WDR20: variants seen among roughly 807,000 people sequenced by gnomAD.
The protein encoded by WDR20 is WD repeat-containing protein 20.
Under a neutral mutation model 38.7 loss-of-function variants are expected in WDR20, and 3 were observed. The ratio of observed to expected loss-of-function variants is 0.08; its 90% confidence interval spans 0.04 to 0.20. WDR20 has a LOEUF of 0.20. WDR20 is among the 10% of genes least tolerant of loss of function. WDR20 has a pLI of 1.00. For synonymous variants in WDR20, 298 were observed against 285.6 expected (o/e 1.04, Z -0.44); for missense variants, 559 against 727.7 (o/e 0.77, Z 2.67).
rs867492430 is a variant in WDR20, at chr14:102,222,433, G to A, written c.1693-397G>A. On this transcript the variant is annotated intron_variant, in intron 3 of 3. Coordinates refer to the WDR20 transcript ENST00000335263. This position sits in a 1 kb window ranked among gnomAD's most constrained non-coding sequence, Gnocchi z 4.4. Reference sequence around the variant, plus strand: ...CTGGCTCCGAGGGACTGGGTGTGCGGTCCAGAACTGCGGTGCCCTGGGCTC... The same window carrying A: ...CTGGCTCCGAGGGACTGGGTGTGCGATCCAGAACTGCGGTGCCCTGGGCTC... Among the ~76,000 whole-genome samples the A allele has an allele frequency of 2.0e-5, 3 of 152,310 alleles. No homozygotes were observed. The South Asian group carries it at 6.2e-4, about 32-fold the overall frequency.
intron 1 of WDR20, among the ~76,000 whole-genome samples, chr14:102,184,337 A>G (rs939686052): frequency 6.6e-6 from 1 of 152,196 alleles, no homozygotes; most frequent in Non-Finnish European, 1.5e-5. Context: ...GTTGCAGTGT[A>G]GCTGTTTTTT....
intron 1 of WDR20, among the ~76,000 whole-genome samples, chr14:102,148,703 G>C (rs183742895): frequency 8.2e-6 from 1 of 122,448 alleles, no homozygotes; most frequent in Admixed American, 8.6e-5. Flanking sequence ...GTGTGTGTGT[G>C]TGTGTTTGGA....
rs1268943885 is a variant in WDR20 at position 102,140,186 on chromosome 14, C to T, written c.249+14C>T. 1 of 1,609,046 alleles carries T rather than the reference C, an allele frequency of 6.2e-7. No individual in the cohort carries two copies. The highest frequency in any genetic ancestry group is 2.2e-5 in the East Asian group (1 of 44,870). ...GGGGTCCGCAAGGTACCGACCCGGG[C>T]GTCACCGGAGCCAGCCAGCGGCGTA... is the stretch of plus-strand genomic sequence containing the variant. On this transcript the variant is annotated intron_variant, in intron 1 of 2. Transcript: ENST00000342702.
chr14:102,139,644 G>A (rs577664351), upstream of WDR20: 7 of 641,548 alleles, frequency 1.1e-5, no homozygotes, highest in African/African-American at 7.3e-5. Context: ...AGCTGAAGCC[G>A]GCATCACCTG....
intron 1 of WDR20, among the ~76,000 whole-genome samples, chr14:102,142,529 C>T (rs890183050): frequency 6.6e-6 from 1 of 152,104 alleles, no homozygotes; most frequent in African/African-American, 2.4e-5. Flanking sequence ...TCATCGTTCA[C>T]TACAGCCTCA....
At chr14:102,198,462 G>A (rs2059781538) in intron 2 of WDR20, 1 of 165,940 alleles carries the variant, frequency 6.0e-6, no homozygotes, top group South Asian at 1.0e-4. Flanking sequence ...GACATCTCTC[G>A]GACGAAGTGC....
chr14:102,161,142 A>ATATATATAT (rs1342924049), intron 1 of WDR20, among the ~76,000 whole-genome samples: 16 of 16,054 alleles, frequency 1.0e-3, no homozygotes, highest in African/African-American at 4.5e-3. Context: ...ATATATATAT[A>ATATATATAT]TTTTTTTTTT....
chr14:102,201,742 G>A (rs980888164), intron 2 of WDR20, among the ~76,000 whole-genome samples: 1 of 152,214 alleles, frequency 6.6e-6, no homozygotes, highest in African/African-American at 2.4e-5. Context: ...GTTTATTTGC[G>A]TTTTGGGTTT....
At chr14:102,176,212 G>A (rs1192052824) in intron 1 of WDR20, among the ~76,000 whole-genome samples, 2 of 151,922 alleles carry the variant, frequency 1.3e-5, no homozygotes, top group Non-Finnish European at 2.9e-5. Context: ...GGCTGACATG[G>A]TGAAGCCCCA....
chr14:102,211,858 C>T (rs1008278451), downstream of WDR20, among the ~76,000 whole-genome samples: 3 of 152,168 alleles, frequency 2.0e-5, no homozygotes, highest in South Asian at 4.1e-4. This position sits in a 1 kb window ranked among gnomAD's most constrained non-coding sequence, Gnocchi z 4.2. Context: ...AGAGAGTGGC[C>T]GATCCCAAGT....
chr14:102,172,011 G>A (rs552318032), intron 1 of WDR20, among the ~76,000 whole-genome samples: 3 of 151,338 alleles, frequency 2.0e-5, no homozygotes, highest in African/African-American at 7.2e-5. Flanking sequence ...AGATAAACAA[G>A]TGAACAAAGG....
chr14:102,213,405 A>C (rs2062803592), downstream of WDR20: 1 of 985,332 alleles, frequency 1.0e-6, no homozygotes, highest in Non-Finnish European at 1.2e-6. Context: ...TTTTGTGCTG[A>C]TTGAACCTTC....
downstream of WDR20, among the ~76,000 whole-genome samples, chr14:102,217,651 G>A (rs1244087213): frequency 6.6e-6 from 1 of 152,238 alleles, no homozygotes; most frequent in Non-Finnish European, 1.5e-5. Context: ...TGCCGCTTGT[G>A]TGATGTAGAG....
At chr14:102,142,099 C>T (rs1454003972) in intron 1 of WDR20, among the ~76,000 whole-genome samples, 1 of 152,068 alleles carries the variant, frequency 6.6e-6, no homozygotes, top group Non-Finnish European at 1.5e-5. Context: ...TTTAAAACCA[C>T]ACCAAAAAAT....
intron 1 of WDR20, among the ~76,000 whole-genome samples, chr14:102,171,075 C>T (rs1229688112): frequency 6.6e-6 from 1 of 151,978 alleles, no homozygotes; most frequent in Non-Finnish European, 1.5e-5. Flanking sequence ...TCTCAGGCTC[C>T]TGAGTAGCTG....
intron 2 of WDR20, among the ~76,000 whole-genome samples, chr14:102,200,701 GA>G (rs2060248589): frequency 6.6e-6 from 1 of 152,138 alleles, no homozygotes; most frequent in Admixed American, 6.5e-5. Flanking sequence ...ATTGTTGGCT[GA>G]AATATAAAAT....
intron 1 of WDR20, among the ~76,000 whole-genome samples, chr14:102,148,113 A>C (rs2054338168): frequency 1.3e-5 from 2 of 152,130 alleles, no homozygotes; most frequent in East Asian, 3.9e-4. Context: ...TTTCTCAGTG[A>C]GGTTAGTTTG....
At chr14:102,153,143 TC>T (rs1483736050) in intron 1 of WDR20, among the ~76,000 whole-genome samples, 5 of 152,102 alleles carry the variant, frequency 3.3e-5, no homozygotes, top group Non-Finnish European at 7.4e-5. Context: ...GTGTGGCACT[TC>T]CTTGTCTCCC....
At chr14:102,140,808 ATTG>A (rs1215102252) in intron 1 of WDR20, among the ~76,000 whole-genome samples, 2 of 152,150 alleles carry the variant, frequency 1.3e-5, no homozygotes, top group African/African-American at 4.8e-5. Context: ...CTTCTGAAAG[ATTG>A]TTAAGGAGAG....
Sources: allele counts gnomAD v4.1 joint callset (sites outside exome capture counted in the v4.1 genomes callset), GRCh38; gene constraint gnomAD v4.1.1; non-coding constraint Gnocchi (gnomAD v3.1); transcripts MANE v1.5; gene names NCBI Gene and HGNC (gene_info 2026-07-23, HGNC 2026-07-21).